ERICH5: variants seen among roughly 807,000 people sequenced by gnomAD.
ERICH5 encodes the protein glutamate-rich protein 5.
ERICH5 carries 24 observed loss-of-function variants against 28.0 expected under a neutral mutation model. The ratio of observed to expected loss-of-function variants is 0.86; its 90% CI spans 0.62 to 1.21. ERICH5 has a LOEUF of 1.21. ERICH5 is among the 50% of genes most tolerant of loss of function. The probability of loss-of-function intolerance (pLI) is 0.00; values close to 1 mark genes in which losing one functional copy is unlikely to be tolerated. For synonymous variants in ERICH5, 163 were observed against 157.6 expected (o/e 1.03, Z -0.25); for missense variants, 421 against 441.2 (o/e 0.95, Z 0.41).
At position 98,064,587 on chromosome 8, in the gene ERICH5, C is replaced by T; in HGVS notation, c.-83C>T. 1 of 1,227,566 alleles carries T rather than the reference C, an allele frequency of 8.1e-7. No homozygotes were observed. The highest frequency in any genetic ancestry group is 1.1e-6 in the Non-Finnish European group (1 of 904,072). 76.0% of individuals were successfully genotyped at this position (1,227,566 alleles called of 1,614,324 possible). The stretch of plus-strand genomic sequence containing the variant: ...GGCTGCAGAGCTGGAGAAACTTCCG[C>T]GGCTACGGGTGCAGTTGCCTTCGGT... On this transcript the variant is annotated 5_prime_UTR_variant, in exon 1 of 3. Transcript: ENST00000318528.
At chr8:98,080,707 C>G (rs1287108798) in intron 1 of ERICH5, among the ~76,000 whole-genome samples, 1 of 140,046 alleles carries the variant, frequency 7.1e-6, no homozygotes, top group Non-Finnish European at 1.6e-5. Context: ...CCCGTCCCCC[C>G]TCCCCCTCCC....
chr8:98,084,015 G>A (rs144295164), intron 1 of ERICH5, among the ~76,000 whole-genome samples: 16 of 150,960 alleles, frequency 1.1e-4, no homozygotes, highest in South Asian at 6.3e-4. Flanking sequence ...TAAGTAACTG[G>A]TATTACAGGT....
rs1333624476 is a variant in ERICH5, at chr8:98,089,794, A to G, written c.777A>G (p.Glu259=). The G allele has an allele frequency of 6.2e-7, 1 of 1,614,144 alleles. No individual in the cohort carries two copies. Among genetic ancestry groups the G allele is most frequent in the Admixed American group, 1.7e-5 (1 of 59,998 alleles). Residue 259 remains glutamate (E), a synonymous_variant, in exon 2 of 3, where the codon GAA becomes GAG. Coordinates refer to ENST00000318528, the MANE Select transcript of ERICH5 (RefSeq NM_173549.3). ...AAGAGGAGCAGCCCCAGCTTCTAGA[A>G]AGAATTCCCAAAGAGAATGTAACAC... ...LGKEEQPQLL[E]RIPKENVTPE...
chr8:98,080,264 T>C (rs11986457), intron 1 of ERICH5, among the ~76,000 whole-genome samples: 8,694 of 152,020 alleles, frequency 0.057, 817 homozygotes, highest in African/African-American at 0.2. Flanking sequence ...CCACATGTTA[T>C]GGATAAGGAA....
At chr8:98,086,832 T>C (rs1815290132) in intron 1 of ERICH5, among the ~76,000 whole-genome samples, 2 of 151,618 alleles carry the variant, frequency 1.3e-5, no homozygotes, top group Admixed American at 6.6e-5. Context: ...GTGCCTGTAG[T>C]CCCAGCTACT....
chr8:98,086,722 G>A (rs957673181), intron 1 of ERICH5, among the ~76,000 whole-genome samples: 14 of 152,014 alleles, frequency 9.2e-5, no homozygotes, highest in Non-Finnish European at 1.8e-4. Flanking sequence ...AGGCTGAGGC[G>A]GGTGGATCAC....
chr8:98,079,886 T>C (rs1815143966), intron 1 of ERICH5, among the ~76,000 whole-genome samples: 1 of 152,226 alleles, frequency 6.6e-6, no homozygotes, highest in African/African-American at 2.4e-5. Flanking sequence ...TGTACCATGA[T>C]AACAATACAA....
chr8:98,091,920 C>CTTTCTTTCTTTCTTTCTTT (rs1815408893), intron 2 of ERICH5, among the ~76,000 whole-genome samples: 1 of 26,768 alleles, frequency 3.7e-5, no homozygotes, highest in Non-Finnish European at 7.9e-5. Context: ...TTTCTTTCTT[C>CTTTCTTTCTTTCTTTCTTT]CTTTCTTTCT....
chr8:98,077,310 A>G (rs1313189405), intron 1 of ERICH5, among the ~76,000 whole-genome samples: 1 of 152,150 alleles, frequency 6.6e-6, no homozygotes, highest in Admixed American at 6.6e-5. Flanking sequence ...ATATACAGAG[A>G]CAGACATCAT....
chr8:98,084,547 AT>A (rs1220603870), intron 1 of ERICH5, among the ~76,000 whole-genome samples: 1 of 151,702 alleles, frequency 6.6e-6, no homozygotes, highest in Admixed American at 6.6e-5. Context: ...CGCCTGGCTA[AT>A]TTTTGTATTT....
chr8:98,073,415 T>TCC (rs1814958261), intron 1 of ERICH5, among the ~76,000 whole-genome samples: 1 of 20,096 alleles, frequency 5.0e-5, no homozygotes, highest in Non-Finnish European at 8.0e-5. Context: ...TCTCTCTCTC[T>TCC]CTCTCTCTCT....
At chr8:98,079,802 A>G (rs186949936) in intron 1 of ERICH5, among the ~76,000 whole-genome samples, 2 of 152,232 alleles carry the variant, frequency 1.3e-5, no homozygotes, top group African/African-American at 4.8e-5. Context: ...AGCCTCCCAA[A>G]GTGCTGGGAT....
At chr8:98,079,341 A>G (rs1815129717) in intron 1 of ERICH5, among the ~76,000 whole-genome samples, 1 of 151,620 alleles carries the variant, frequency 6.6e-6, no homozygotes, top group African/African-American at 2.4e-5. Flanking sequence ...CAGCTAATCC[A>G]AATCTTGTTA....
At chr8:98,090,720 A>G (rs1037644928) in intron 2 of ERICH5, among the ~76,000 whole-genome samples, 2 of 152,122 alleles carry the variant, frequency 1.3e-5, no homozygotes, top group African/African-American at 4.8e-5. Flanking sequence ...GTCTTAGCAT[A>G]TGGTGTTTTA....
chr8:98,078,492 A>G (rs148654746), intron 1 of ERICH5, among the ~76,000 whole-genome samples: 3 of 152,350 alleles, frequency 2.0e-5, no homozygotes, highest in African/African-American at 4.8e-5. Flanking sequence ...TGGCATAGTC[A>G]TAGGAAATAT....
At chr8:98,065,400 T>C (rs1433000113) in intron 1 of ERICH5, among the ~76,000 whole-genome samples, 2 of 152,184 alleles carry the variant, frequency 1.3e-5, no homozygotes, top group African/African-American at 4.8e-5. Flanking sequence ...TAAGTATCAG[T>C]TGAGAAGTAT....
chr8:98,081,086 TTCTCTC>T (rs369795643), intron 1 of ERICH5, among the ~76,000 whole-genome samples: 55 of 149,736 alleles, frequency 3.7e-4, no homozygotes, highest in African/African-American at 9.1e-4. Flanking sequence ...CATAATTTCT[TTCTCTC>T]TCTCTCTCTC....
At position 98,088,727 on chromosome 8, in the gene ERICH5, A is replaced by G. The variant is rs114628374; in HGVS notation, c.59-349A>G. 6.5e-3 allele frequency among the ~76,000 whole-genome samples: 994 copies of G among 152,364 alleles called. 11 individuals are homozygous for G. The highest frequency in any genetic ancestry group is 0.023 in the African/African-American group (946 of 41,580). ...AAATTTTTTAAAAAGGAAACCTTCT[A>G]AGTCTCAAGAGGAGAAAGTGTGAGA... On this transcript the variant is annotated intron_variant, in intron 1 of 2. Transcript: ENST00000318528.
At chr8:98,073,484 A>G (rs867925116) in intron 1 of ERICH5, among the ~76,000 whole-genome samples, 4 of 2,702 alleles carry the variant, frequency 1.5e-3, no homozygotes, top group Admixed American at 9.1e-3. Context: ...ATATATATAT[A>G]TGTATATATA....
Sources: gnomAD v4.1 joint callset for allele counts (sites outside exome capture counted in the v4.1 genomes callset) on GRCh38, gnomAD v4.1.1 for gene constraint, MANE v1.5 for transcripts, NCBI Gene and HGNC (gene_info 2026-07-23, HGNC 2026-07-21) for gene names.